Variants in ANKS1B observed in about 807,000 individuals in gnomAD.
The protein encoded by ANKS1B is ankyrin repeat and sterile alpha motif domain containing 1B.
In ANKS1B, 36 loss-of-function variants were observed where a neutral mutation model predicts 148.3. The observed-to-expected ratio is 0.24, with a 90% CI of 0.19 to 0.32. ANKS1B has a LOEUF of 0.32. ANKS1B is among the 10% of genes least tolerant of loss of function. The pLI, the probability that ANKS1B is intolerant of heterozygous loss-of-function variation, is 1.00. For synonymous variants in ANKS1B, 542 were observed against 560.8 expected (o/e 0.97, Z 0.47); for missense variants, 1,157 against 1,542.6 (o/e 0.75, Z 4.19).
chr12:99,299,363 T>C (rs1014047777), intron 12 of ANKS1B, among the ~76,000 whole-genome samples: 13 of 152,184 alleles, frequency 8.5e-5, no homozygotes, highest in African/African-American at 4.8e-5. Flanking sequence ...CCCAGCCTTG[T>C]AGCTTCTGAA....
chr12:99,213,647 A>T (rs1474354103), intron 14 of ANKS1B, among the ~76,000 whole-genome samples: 1 of 152,206 alleles, frequency 6.6e-6, no homozygotes, highest in Admixed American at 6.5e-5. Flanking sequence ...GCAAGTGCCA[A>T]GGCCTTCCCT....
At chr12:99,837,391 G>A (rs1010273521) in intron 1 of ANKS1B, among the ~76,000 whole-genome samples, 2 of 152,076 alleles carry the variant, frequency 1.3e-5, no homozygotes, top group South Asian at 4.1e-4. Flanking sequence ...ACTAATACAG[G>A]TGTGCTTATT....
intron 1 of ANKS1B, among the ~76,000 whole-genome samples, chr12:99,874,716 C>T (rs1224680774): frequency 6.6e-6 from 1 of 152,172 alleles, no homozygotes; most frequent in Admixed American, 6.5e-5. Context: ...TATGCTGCTC[C>T]AGACAGGCCT....
chr12:99,856,862 T>C (rs2089201426), intron 1 of ANKS1B, among the ~76,000 whole-genome samples: 1 of 152,114 alleles, frequency 6.6e-6, no homozygotes, highest in African/African-American at 2.4e-5. Context: ...CTCAACAAAA[T>C]TGGCGTAAAA....
intron 1 of ANKS1B, among the ~76,000 whole-genome samples, chr12:99,871,135 A>T (rs2091458318): frequency 6.6e-6 from 1 of 152,182 alleles, no homozygotes; most frequent in African/African-American, 2.4e-5. Flanking sequence ...TCTTCTGCAT[A>T]TAGCTAGCTG....
chr12:99,332,705 T>C (rs2087824686), intron 12 of ANKS1B, among the ~76,000 whole-genome samples: 2 of 151,532 alleles, frequency 1.3e-5, no homozygotes, highest in Admixed American at 1.3e-4. Context: ...AAAAAAAGCT[T>C]TTTTTCTTTT....
chr12:99,411,206 T>TG (rs2094693931), intron 11 of ANKS1B, among the ~76,000 whole-genome samples: 1 of 152,214 alleles, frequency 6.6e-6, no homozygotes. Context: ...GCACCAGGGT[T>TG]GGGGGAGCTG....
At chr12:99,528,426 CAAAAACAAAAAA>C (rs370565801) in intron 9 of ANKS1B, among the ~76,000 whole-genome samples, 28,930 of 116,946 alleles carry the variant, frequency 0.25, 3,069 homozygotes, top group African/African-American at 0.35. Flanking sequence ...AGAACAAAAA[CAAAAACAAAAAA>C]AAAAACAAAA....
chr12:99,312,752 C>T (rs750488918), intron 12 of ANKS1B, among the ~76,000 whole-genome samples: 1 of 152,102 alleles, frequency 6.6e-6, no homozygotes, highest in Non-Finnish European at 1.5e-5. Context: ...TGACATGGAA[C>T]AGGCATAGAA....
intron 1 of ANKS1B, among the ~76,000 whole-genome samples, chr12:99,975,076 G>C (rs1485443496): frequency 2.0e-5 from 3 of 152,046 alleles, no homozygotes; most frequent in African/African-American, 7.2e-5. Flanking sequence ...ACTTGACCCT[G>C]GGGGGCAATG....
rs75296085 is a variant in ANKS1B at position 99,799,344 on chromosome 12, G to A, written c.669+7060C>T. Among the ~76,000 whole-genome samples, 1,488 of 152,098 alleles carry A rather than the reference G, an allele frequency of 9.8e-3. 25 individuals are homozygous for A. The highest frequency in any genetic ancestry group is 0.034 in the African/African-American group (1,406 of 41,516). On this transcript the variant is annotated intron_variant, in intron 4 of 26. Transcript: ENST00000683438. The stretch of plus-strand genomic sequence containing the variant: ...TGGCTTCATCTCTTACTCCTCTGAG[G>A]CTAGCCTCTTAGAAAGTTAGCCTCA...
intron 14 of ANKS1B, among the ~76,000 whole-genome samples, chr12:99,210,146 T>G (rs937519670): frequency 3.3e-5 from 5 of 152,178 alleles, no homozygotes; most frequent in African/African-American, 1.2e-4. Context: ...TCTTTAACTC[T>G]TATATTTGGT....
chr12:99,706,611 A>C (rs2055816824), intron 8 of ANKS1B: 1 of 152,110 alleles, frequency 6.6e-6, no homozygotes, highest in Non-Finnish European at 1.5e-5. Flanking sequence ...GAGTGGAAGC[A>C]GAACCTCTGG....
At chr12:98,883,516 C>G (rs913424833) in intron 17 of ANKS1B, among the ~76,000 whole-genome samples, 1 of 152,170 alleles carries the variant, frequency 6.6e-6, no homozygotes, top group Non-Finnish European at 1.5e-5. Context: ...GGAATCCAAA[C>G]CCCATAGCTT....
At chr12:99,862,934 C>T (rs144524921) in intron 1 of ANKS1B, among the ~76,000 whole-genome samples, 1 of 152,226 alleles carries the variant, frequency 6.6e-6, no homozygotes, top group East Asian at 1.9e-4. Flanking sequence ...TAACAAATGT[C>T]CCCAGGGAGC....
At chr12:99,625,858 A>C (rs1409208253) in intron 9 of ANKS1B, among the ~76,000 whole-genome samples, 1 of 152,116 alleles carries the variant, frequency 6.6e-6, no homozygotes, top group African/African-American at 2.4e-5. Context: ...ATAAAAGGGT[A>C]ATGATAGTAG....
At chr12:99,847,857 T>G (rs988592632) in intron 1 of ANKS1B, among the ~76,000 whole-genome samples, 3 of 152,076 alleles carry the variant, frequency 2.0e-5, no homozygotes, top group Non-Finnish European at 4.4e-5. Context: ...ACCGACAAAT[T>G]CAGTCCATGG....
chr12:99,400,149 T>C (rs1346248054), intron 11 of ANKS1B, among the ~76,000 whole-genome samples: 1 of 152,150 alleles, frequency 6.6e-6, no homozygotes, highest in Non-Finnish European at 1.5e-5. Context: ...TCAACTAACA[T>C]TTATTAAGCA....
chr12:99,223,285 T>G (rs1295638975), intron 14 of ANKS1B, among the ~76,000 whole-genome samples: 2 of 152,188 alleles, frequency 1.3e-5, no homozygotes, highest in Non-Finnish European at 2.9e-5. Context: ...GGAAGACAAT[T>G]TTTCCATGGG....
Sources: gnomAD v4.1 joint callset for allele counts (sites outside exome capture counted in the v4.1 genomes callset) on GRCh38, gnomAD v4.1.1 for gene constraint, MANE v1.5 for transcripts, NCBI Gene and HGNC (gene_info 2026-07-23, HGNC 2026-07-21) for gene names.